MIR2052HG: variants seen among roughly 807,000 people sequenced by gnomAD.
MIR2052HG encodes MIR2052 host gene.
At chr8:74,681,744 G>T (rs1368981838) in intron 2 of MIR2052HG, among the ~76,000 whole-genome samples, 1 of 152,088 alleles carries the variant, frequency 6.6e-6, no homozygotes, top group Non-Finnish European at 1.5e-5. Context: ...AACTCATCAT[G>T]TTCTTGGATT....
At position 74,636,286 on chromosome 8, in the gene MIR2052HG, G is replaced by A. The variant is rs576672974; in HGVS notation, n.216+23346G>A. On this transcript the variant is annotated intron_variant and non_coding_transcript_variant, in intron 2 of 6. Transcript: ENST00000523442. Reference sequence around the variant, plus strand: ...TCCTGCTGGGATGATAGCCTTTAATGTATTTATCACTGTGTGGTGCTCCAA... The same window carrying A: ...TCCTGCTGGGATGATAGCCTTTAATATATTTATCACTGTGTGGTGCTCCAA... Among the ~76,000 whole-genome samples, 11 of 152,196 alleles carry A rather than the reference G, an allele frequency of 7.2e-5. 1 individual carries two copies. The South Asian group carries it at 2.1e-3, about 29-fold the overall frequency.
intron 2 of MIR2052HG, among the ~76,000 whole-genome samples, chr8:74,621,433 A>G (rs1172970692): frequency 6.6e-6 from 1 of 152,204 alleles, no homozygotes; most frequent in East Asian, 1.9e-4. Flanking sequence ...GGTAATTTTT[A>G]AAGGAAAGAG....
chr8:74,680,070 A>G (rs1032601164), intron 2 of MIR2052HG, among the ~76,000 whole-genome samples: 1 of 152,226 alleles, frequency 6.6e-6, no homozygotes, highest in Non-Finnish European at 1.5e-5. Context: ...TCTGCAGACA[A>G]CCTATAAGAA....
intron 4 of MIR2052HG, among the ~76,000 whole-genome samples, chr8:74,733,061 TA>T (rs1809710240): frequency 6.6e-6 from 1 of 150,830 alleles, no homozygotes; most frequent in Non-Finnish European, 1.5e-5. Flanking sequence ...TTTATTTATT[TA>T]TTTATTTATT....
At chr8:74,697,173 A>G (rs973495238) in intron 2 of MIR2052HG, among the ~76,000 whole-genome samples, 1 of 152,174 alleles carries the variant, frequency 6.6e-6, no homozygotes, top group Non-Finnish European at 1.5e-5. Flanking sequence ...ATGGTTTAAC[A>G]TATGCAAGTC....
At chr8:74,709,811 C>T (rs574061165) in intron 4 of MIR2052HG, among the ~76,000 whole-genome samples, 2 of 152,260 alleles carry the variant, frequency 1.3e-5, no homozygotes, top group East Asian at 3.9e-4. Context: ...CTTTCTGAAG[C>T]TTCTAGTCTG....
At chr8:74,603,642 A>G in intron 1 of MIR2052HG, 2 of 1,284,896 alleles carry the variant, frequency 1.6e-6, no homozygotes, top group South Asian at 2.4e-5. Flanking sequence ...GTGGAATGGC[A>G]AACTGTCCTT....
rs542478233 is a variant in MIR2052HG, at chr8:74,696,169, AC to A, written n.217-6207del. On this transcript the variant is annotated intron_variant and non_coding_transcript_variant, in intron 2 of 6. Transcript: ENST00000523442. ...AAATTTGAAATCAACTCCAAAAGGAACCCTCAAAACCATGCAAATACATGAA... is the reference window on the plus strand; with the variant it reads ...AAATTTGAAATCAACTCCAAAAGGAACCTCAAAACCATGCAAATACATGAA... Among the ~76,000 whole-genome samples, 742 of 152,228 alleles carry A rather than the reference AC, an allele frequency of 4.9e-3. 5 individuals carry two copies. The highest frequency in any genetic ancestry group is 0.017 in the African/African-American group (699 of 41,564).
At chr8:74,603,814 T>C (rs879111365) in intron 1 of MIR2052HG, 10 of 837,464 alleles carry the variant, frequency 1.2e-5, no homozygotes, top group South Asian at 5.3e-5. Context: ...AGTGATGGCC[T>C]GCTCAGTTGA....
intron 2 of MIR2052HG, among the ~76,000 whole-genome samples, chr8:74,651,192 T>C (rs1214916607): frequency 2.0e-5 from 3 of 152,034 alleles, no homozygotes; most frequent in East Asian, 1.9e-4. Flanking sequence ...ACCATAGCCG[T>C]TGGGAACTGG....
intron 2 of MIR2052HG, among the ~76,000 whole-genome samples, chr8:74,683,277 G>A (rs1487286570): frequency 6.6e-6 from 1 of 152,026 alleles, no homozygotes; most frequent in Non-Finnish European, 1.5e-5. Context: ...GAAAGAATTG[G>A]GAATGAAGAA....
At chr8:74,699,869 A>C (rs1183364526) in intron 2 of MIR2052HG, among the ~76,000 whole-genome samples, 1 of 152,130 alleles carries the variant, frequency 6.6e-6, no homozygotes, top group African/African-American at 2.4e-5. Context: ...TTTCTTTTCC[A>C]AGTGTTTTCG....
chr8:74,665,988 G>T (rs1371101657), intron 2 of MIR2052HG, among the ~76,000 whole-genome samples: 2 of 152,172 alleles, frequency 1.3e-5, no homozygotes, highest in Non-Finnish European at 2.9e-5. Flanking sequence ...ATGTGGAACT[G>T]TGAGATCATT....
At chr8:74,752,383 G>A (rs1225422365) in intron 4 of MIR2052HG, 1 of 439,048 alleles carries the variant, frequency 2.3e-6, no homozygotes, top group South Asian at 1.6e-5. Flanking sequence ...ATAATCCTTA[G>A]CATTTGATCA....
chr8:74,670,535 C>T (rs1808980243), intron 2 of MIR2052HG, among the ~76,000 whole-genome samples: 1 of 152,064 alleles, frequency 6.6e-6, no homozygotes, highest in Non-Finnish European at 1.5e-5. Context: ...GATAATCAAG[C>T]ACTAAATTTT....
chr8:74,743,073 C>CA (rs940925096), intron 4 of MIR2052HG, among the ~76,000 whole-genome samples: 32 of 150,474 alleles, frequency 2.1e-4, no homozygotes, highest in East Asian at 1.6e-3. Context: ...AAAAAACAAA[C>CA]AAAAAAAACC....
intron 4 of MIR2052HG, among the ~76,000 whole-genome samples, chr8:74,741,761 A>C (rs188951788): frequency 6.6e-6 from 1 of 152,160 alleles, no homozygotes; most frequent in Non-Finnish European, 1.5e-5. Flanking sequence ...AGCCTCTTGC[A>C]CTTAGGAACA....
chr8:74,755,661 CATCT>C (rs1456734296), intron 5 of MIR2052HG, among the ~76,000 whole-genome samples: 3 of 152,296 alleles, frequency 2.0e-5, no homozygotes, highest in African/African-American at 7.2e-5. Context: ...GCGTTCTATC[CATCT>C]GTTTCCCTGT....
At position 74,622,172 on chromosome 8, in the gene MIR2052HG, C is replaced by A. The variant is rs367939657; in HGVS notation, n.216+9232C>A. 6.6e-5 allele frequency among the ~76,000 whole-genome samples: 10 copies of A among 152,210 alleles called. No individual in the cohort carries two copies. The East Asian group carries it at 1.7e-3, about 26-fold the overall frequency. On this transcript the variant is annotated intron_variant and non_coding_transcript_variant, in intron 2 of 6. Coordinates refer to ENST00000523442, the Ensembl canonical transcript of MIR2052HG. ...TATGTATATAATAAGGGACTGATAT[C>A]TAAAACATATGAAGAACTCAGATAA...
Sources: allele counts gnomAD v4.1 joint callset (sites outside exome capture counted in the v4.1 genomes callset), GRCh38; gene constraint gnomAD v4.1.1; transcripts MANE v1.5; gene names NCBI Gene and HGNC (gene_info 2026-07-23, HGNC 2026-07-21).